MDM2: variants seen among roughly 807,000 people sequenced by gnomAD.
The protein encoded by MDM2 is E3 ubiquitin-protein ligase Mdm2.
A neutral mutation model predicts 64.3 loss-of-function variants in MDM2; 11 were observed. The observed-to-expected ratio is 0.17, with a 90% CI of 0.11 to 0.28. MDM2 has a LOEUF of 0.28. Ranked by LOEUF, MDM2 falls within the 10% of genes least tolerant of loss-of-function variation. The probability of loss-of-function intolerance (pLI) is 1.00; values close to 1 mark genes in which losing one functional copy is unlikely to be tolerated. For synonymous variants in MDM2, 194 were observed against 192.9 expected (o/e 1.01, Z -0.05); for missense variants, 388 against 577.1 (o/e 0.67, Z 3.36).
rs1883819836 is a variant in MDM2, at chr12:68,842,151, T to C, written c.*2302T>C. Reference sequence around the variant, plus strand: ...AAAATATAGTAACAAGCCTGTCAAATATCTGCAAGAACTATGGAATAAAAC... The same window carrying C: ...AAAATATAGTAACAAGCCTGTCAAACATCTGCAAGAACTATGGAATAAAAC... On this transcript the variant is annotated 3_prime_UTR_variant, in exon 11 of 11. Transcript: ENST00000258149. The C allele has an allele frequency of 2.2e-6, 1 of 464,440 alleles. No homozygotes were observed. The highest frequency in any genetic ancestry group is 2.0e-5 in the African/African-American group (1 of 50,240). The allele number at this position is 464,440 out of a possible 1,614,324, so 28.8% of individuals were successfully genotyped here.
chr12:68,822,746 C>CTTTTT (rs35863515), intron 5 of MDM2, among the ~76,000 whole-genome samples: 2,050 of 146,414 alleles, frequency 0.014, 65 homozygotes, highest in African/African-American at 0.05. Flanking sequence ...AACTTTGTCA[C>CTTTTT]TTTTTTTTTT....
downstream of MDM2, chr12:68,848,955 C>G (rs1003787343): frequency 6.6e-5 from 10 of 152,200 alleles, no homozygotes; most frequent in Middle Eastern, 0.01. Context: ...TCATGATCCG[C>G]CTGCCTCTGC....
intron 9 of MDM2, chr12:68,836,452 T>C (rs752039782): frequency 6.0e-5 from 25 of 419,920 alleles, no homozygotes; most frequent in Non-Finnish European, 9.4e-5. Flanking sequence ...TTTTGTTTTA[T>C]TCATCCTAAA....
Position 68,840,612 on chromosome 12 carries a change from TCTC to T in MDM2, c.*766_*768del, listed in dbSNP as rs546868454. Reference sequence around the variant, plus strand: ...TCTCCGCTTCCCGGGTTCAAGCCATTCTCCTGGCTCAGCCTCTGGAGCAGCTGG... The same window carrying T: ...TCTCCGCTTCCCGGGTTCAAGCCATTCTGGCTCAGCCTCTGGAGCAGCTGG... On this transcript the variant is annotated 3_prime_UTR_variant, in exon 11 of 11. Coordinates refer to ENST00000258149, the MANE Select transcript of MDM2 (RefSeq NM_002392.6). 67 of 181,070 alleles carry T rather than the reference TCTC, an allele frequency of 3.7e-4. No individual in the cohort carries two copies. The highest frequency in any genetic ancestry group is 1.5e-3 in the African/African-American group (62 of 42,370). 11.2% of individuals were successfully genotyped at this position (181,070 alleles called of 1,614,324 possible).
chr12:68,839,446 A>T lies in MDM2; in HGVS notation c.1091A>T (p.Asp364Val), dbSNP rs1883570261. 6.2e-7 allele frequency: 1 copy of T among 1,613,848 alleles called. No homozygotes were observed. The highest frequency in any genetic ancestry group is 8.5e-7 in the Non-Finnish European group (1 of 1,180,028). ...TCAACACAAGCTGAAGAGGGCTTTGATGTTCCTGATTGTAAAAAAACTATA... is the reference window on the plus strand; with the variant it reads ...TCAACACAAGCTGAAGAGGGCTTTGTTGTTCCTGATTGTAAAAAAACTATA... ...ENSTQAEEGFDVPDCKKTIVN... is the reference protein window; with the variant it reads ...ENSTQAEEGFVVPDCKKTIVN... The change falls in exon 11 of 11, where the codon GAT (aspartate) becomes GTT (valine). Residue 364 changes from aspartate to valine, a missense_variant. By Grantham distance (152) the Asp-to-Val change is radical (BLOSUM62 -3). Around this residue, in one of 5 missense-constraint regions of MDM2, gnomAD observed 138 missense variants for 143.7 expected, o/e 0.96. Coordinates refer to ENST00000258149, the MANE Select transcript of MDM2 (RefSeq NM_002392.6).
At chr12:68,814,161 T>C (rs1212193184) in intron 3 of MDM2, among the ~76,000 whole-genome samples, 1 of 152,246 alleles carries the variant, frequency 6.6e-6, no homozygotes, top group Non-Finnish European at 1.5e-5. Flanking sequence ...CAAGCCCTTC[T>C]TCTGCCTTAC....
chr12:68,811,242 T>A (rs1198471124), intron 2 of MDM2, among the ~76,000 whole-genome samples: 1 of 152,212 alleles, frequency 6.6e-6, no homozygotes, highest in Non-Finnish European at 1.5e-5. Flanking sequence ...TTTTTTAAAA[T>A]TTTTCTTAGT....
chr12:68,828,951 T>C lies in MDM2; in HGVS notation c.684+20T>C, dbSNP rs1457328056. On this transcript the variant is annotated intron_variant, in intron 8 of 10. Transcript: ENST00000258149. ...AATCCGGTAATGTTCTCATTTTAAG[T>C]AAGGCAAGACTCTTACTGTTCAAAG... 2.5e-6 allele frequency: 4 copies of C among 1,612,580 alleles called. No homozygotes were observed. The highest frequency in any genetic ancestry group is 3.4e-6 in the Non-Finnish European group (4 of 1,178,932).
Position 68,840,057 on chromosome 12 carries a change from A to G in MDM2, c.*208A>G, listed in dbSNP as rs1219114835. ...AATATGTAGCTCATCCTTTACACCAACTCCTAATTTTAAATAATTTCTACT... is the reference window on the plus strand; with the variant it reads ...AATATGTAGCTCATCCTTTACACCAGCTCCTAATTTTAAATAATTTCTACT... On this transcript the variant is annotated 3_prime_UTR_variant, in exon 11 of 11. Transcript: ENST00000258149. 1.2e-5 allele frequency: 6 copies of G among 487,268 alleles called. No homozygotes were observed. Among genetic ancestry groups the G allele is most frequent in the Non-Finnish European group, 2.1e-5 (6 of 280,894 alleles). The allele number at this position is 487,268 out of a possible 1,614,324, so 30.2% of individuals were successfully genotyped here.
chr12:68,811,880 A>G (rs1196337), intron 2 of MDM2, among the ~76,000 whole-genome samples: 85,093 of 151,724 alleles, frequency 0.56, 26,813 homozygotes, highest in African/African-American at 0.86. Flanking sequence ...GATTAAAGGC[A>G]TGAGCCACTG....
chr12:68,815,347 G>T (rs1417747000), intron 3 of MDM2, among the ~76,000 whole-genome samples: 1 of 151,746 alleles, frequency 6.6e-6, no homozygotes, highest in Non-Finnish European at 1.5e-5. Context: ...TTGTTCTGGG[G>T]CACACAGGAA....
At chr12:68,819,870 T>G (rs1592577935) in intron 4 of MDM2, among the ~76,000 whole-genome samples, 1 of 152,252 alleles carries the variant, frequency 6.6e-6, no homozygotes. Flanking sequence ...AATTCCTATT[T>G]AATGGATTTT....
At position 68,816,896 on chromosome 12, in the gene MDM2, C is replaced by G. The variant is rs1229293747; in HGVS notation, c.259C>G (p.Leu87Val). The G allele has an allele frequency of 6.2e-7, 1 of 1,613,194 alleles. No individual in the cohort carries two copies. The highest frequency in any genetic ancestry group is 1.1e-5 in the South Asian group (1 of 90,790). The change falls in exon 4 of 11, where the codon CTT (leucine) becomes GTT (valine). Residue 87 changes from leucine (L) to valine (V), a missense_variant. Around this residue, in one of 5 missense-constraint regions of MDM2, gnomAD observed 24 missense variants for 87.8 expected, o/e 0.27. Coordinates refer to ENST00000258149, the MANE Select transcript of MDM2 (RefSeq NM_002392.6). ...QQHIVYCSND[L>V]LGDLFGVPSF... ...ACATATTGTATATTGTTCAAATGAT[C>G]TTCTAGGAGATTTGTTTGGCGTGCC...
chr12:68,835,637 G>A (rs3730638), intron 8 of MDM2, among the ~76,000 whole-genome samples, 192 bp from the exon 9 acceptor site: 2,445 of 152,264 alleles, frequency 0.016, 67 homozygotes, highest in African/African-American at 0.055. Context: ...AACCGGCTCC[G>A]GGATGGCTGG....
At chr12:68,816,190 A>G (rs1268728299) in intron 3 of MDM2, among the ~76,000 whole-genome samples, 1 of 152,032 alleles carries the variant, frequency 6.6e-6, no homozygotes, top group Non-Finnish European at 1.5e-5. Context: ...TTTTTTGGCT[A>G]TCAGTTTTTT....
chr12:68,845,319 A>G lies in MDM2; in HGVS notation c.*5470A>G, dbSNP rs1308688255. On this transcript the variant is annotated 3_prime_UTR_variant, in exon 11 of 11. Transcript: ENST00000258149. ...TAAGAGGGACTTTTTGACATTTACA[A>G]ATAATACTTTGAGGTAGATATCTGA... 4.7e-6 allele frequency: 1 copy of G among 212,950 alleles called. No individual in the cohort carries two copies. The highest frequency in any genetic ancestry group is 9.5e-6 in the Non-Finnish European group (1 of 105,352). The allele number at this position is 212,950 out of a possible 1,614,324, so 13.2% of individuals were successfully genotyped here. A position where few individuals can be genotyped will look rare whatever the true frequency, so the allele number is the denominator to read the frequency against.
At chr12:68,828,631 A>G (rs549018020) in intron 7 of MDM2, 140 bp from the exon 8 acceptor site, 34 of 649,696 alleles carry the variant, frequency 5.2e-5, no homozygotes, top group Non-Finnish European at 7.4e-5. Context: ...CTGCTGTAAC[A>G]GTTGGACAGA....
chr12:68,842,179 C>T lies in MDM2; in HGVS notation c.*2330C>T, dbSNP rs1313742056. On this transcript the variant is annotated 3_prime_UTR_variant, in exon 11 of 11. Transcript: ENST00000258149. The stretch of plus-strand genomic sequence containing the variant: ...CTGCAAGAACTATGGAATAAAACTA[C>T]TGATGCAGTGAAGACAGTTGAAAAG... 4.1e-6 allele frequency: 2 copies of T among 491,602 alleles called. No individual in the cohort carries two copies. The highest frequency in any genetic ancestry group is 1.9e-5 in the African/African-American group (1 of 51,310). The allele number at this position is 491,602 out of a possible 1,614,324, so 30.5% of individuals were successfully genotyped here.
At position 68,835,976 on chromosome 12, in the gene MDM2, G is replaced by C. The variant is rs2136169196; in HGVS notation, c.832G>C (p.Asp278His). The part of the protein sequence containing the change: ...SEEGQELSDE[D>H]DEVYQVTVYQ... ...AGAAGGACAAGAACTCTCAGATGAA[G>C]ATGATGAGGTAGTATTTTTTTTCCC... is the stretch of plus-strand genomic sequence containing the variant. Residue 278 changes from aspartate (D) to histidine (H), a missense_variant, in exon 9 of 11, where the codon GAT (aspartate) becomes CAT (histidine). Physicochemically the swap from Asp to His is moderately conservative, Grantham distance 81 (BLOSUM62 -1). Around this residue, in one of 5 missense-constraint regions of MDM2, gnomAD observed 168 missense variants for 236.6 expected, o/e 0.71. Coordinates refer to ENST00000258149, the MANE Select transcript of MDM2 (RefSeq NM_002392.6). The C allele has an allele frequency of 6.2e-7, 1 of 1,604,802 alleles. No individual in the cohort carries two copies. The highest frequency in any genetic ancestry group is 8.5e-7 in the Non-Finnish European group (1 of 1,175,584).
Sources: gnomAD v4.1 joint callset for allele counts (sites outside exome capture counted in the v4.1 genomes callset) on GRCh38, gnomAD v4.1.1 for gene constraint, gnomAD v4.1.1 regional missense constraint, MANE v1.5 for transcripts, NCBI Gene and HGNC (gene_info 2026-07-23, HGNC 2026-07-21) for gene names.